Variants in SNTB1 observed in about 807,000 individuals in gnomAD.
SNTB1 encodes the protein beta-1-syntrophin.
Under a neutral mutation model 48.9 loss-of-function variants are expected in SNTB1, and 36 were observed. That is an observed-to-expected ratio of 0.74 (90% CI 0.56 to 0.97). The LOEUF (loss-of-function observed/expected upper bound fraction) is 0.97. Ranked by LOEUF, SNTB1 falls within the 50% of genes least tolerant of loss-of-function variation. SNTB1 has a pLI of 0.00. For synonymous variants in SNTB1, 299 were observed against 294.6 expected, an observed-to-expected ratio of 1.01 and a Z score of -0.15; for missense variants, 786 against 703.4, an observed-to-expected ratio of 1.12 and a Z score of -1.33.
At chr8:120,721,923 G>A (rs1019517273) in intron 1 of SNTB1, among the ~76,000 whole-genome samples, 1 of 112,246 alleles carries the variant, frequency 8.9e-6, no homozygotes, top group Admixed American at 1.2e-4. Context: ...AGTGTGTGAT[G>A]TTCCCCACCC....
chr8:120,770,846 A>C (rs1044102831), intron 1 of SNTB1, among the ~76,000 whole-genome samples: 11 of 152,202 alleles, frequency 7.2e-5, no homozygotes, highest in African/African-American at 2.7e-4. Context: ...CAGACCTTTA[A>C]TGATGGAACC....
At chr8:120,561,330 A>G (rs1240356337) in intron 4 of SNTB1, among the ~76,000 whole-genome samples, 1 of 142,712 alleles carries the variant, frequency 7.0e-6, no homozygotes, top group Admixed American at 7.1e-5. Context: ...AAAAAAAAAA[A>G]AAAAAAAAAA....
intron 1 of SNTB1, among the ~76,000 whole-genome samples, chr8:120,714,758 CG>C (rs1818528343): frequency 6.6e-6 from 1 of 152,100 alleles, no homozygotes; most frequent in Admixed American, 6.5e-5. Flanking sequence ...TAAAATATCA[CG>C]GCGGAAGGTT....
At chr8:120,603,041 C>T (rs891313871) in intron 3 of SNTB1, among the ~76,000 whole-genome samples, 7 of 151,952 alleles carry the variant, frequency 4.6e-5, no homozygotes, top group East Asian at 3.9e-4. Flanking sequence ...GTGGGGCTAT[C>T]GCCATAATAT....
chr8:120,674,452 A>AAAATG (rs1452988216), intron 2 of SNTB1, among the ~76,000 whole-genome samples: 1 of 152,242 alleles, frequency 6.6e-6, no homozygotes, highest in Non-Finnish European at 1.5e-5. Flanking sequence ...AAGAAAAGAT[A>AAAATG]AAATGAAATG....
At chr8:120,809,038 G>A (rs923352998) in intron 1 of SNTB1, among the ~76,000 whole-genome samples, 9 of 152,164 alleles carry the variant, frequency 5.9e-5, no homozygotes, top group Non-Finnish European at 1.0e-4. Context: ...AGAATACGAA[G>A]AAGTAGGTAT....
intron 1 of SNTB1, among the ~76,000 whole-genome samples, chr8:120,779,387 C>T (rs1451731207): frequency 6.6e-6 from 1 of 152,086 alleles, no homozygotes; most frequent in Non-Finnish European, 1.5e-5. Context: ...CCTGTAGTCC[C>T]AGCTACTTGG....
chr8:120,748,954 T>C (rs2130026821), intron 1 of SNTB1, among the ~76,000 whole-genome samples: 1 of 152,356 alleles, frequency 6.6e-6, no homozygotes, highest in African/African-American at 2.4e-5. Context: ...AACCTTGTAG[T>C]GATTTTTGTT....
intron 1 of SNTB1, among the ~76,000 whole-genome samples, chr8:120,793,303 C>T (rs1028753944): frequency 1.2e-4 from 19 of 152,008 alleles, no homozygotes; most frequent in Admixed American, 7.9e-4. Context: ...AGTGATTTAA[C>T]GGTATGCAAC....
intron 1 of SNTB1, among the ~76,000 whole-genome samples, chr8:120,698,757 C>G (rs1818253642): frequency 6.6e-6 from 1 of 152,092 alleles, no homozygotes; most frequent in African/African-American, 2.4e-5. Flanking sequence ...ACTAAGCAGC[C>G]CCAGGCAGGG....
chr8:120,556,379 C>A (rs990029182), intron 4 of SNTB1, among the ~76,000 whole-genome samples: 1 of 152,096 alleles, frequency 6.6e-6, no homozygotes, highest in African/African-American at 2.4e-5. Flanking sequence ...TCAGGAAAAG[C>A]AAAATGGAGA....
intron 2 of SNTB1, among the ~76,000 whole-genome samples, chr8:120,633,462 G>C (rs547664692): frequency 6.6e-6 from 1 of 151,952 alleles, no homozygotes; most frequent in Non-Finnish European, 1.5e-5. Flanking sequence ...AAAATTAGCC[G>C]GGCATGATGG....
At chr8:120,759,845 T>C (rs764863856) in intron 1 of SNTB1, among the ~76,000 whole-genome samples, 1 of 151,430 alleles carries the variant, frequency 6.6e-6, no homozygotes, top group Non-Finnish European at 1.5e-5. Flanking sequence ...CATCTCTAAA[T>C]GTGAGGATCC....
intron 1 of SNTB1, among the ~76,000 whole-genome samples, chr8:120,717,010 T>C (rs909665884): frequency 2.6e-5 from 4 of 152,194 alleles, no homozygotes; most frequent in African/African-American, 4.8e-5. Context: ...CTTTTATTCA[T>C]AGCACAAGGC....
intron 5 of SNTB1, among the ~76,000 whole-genome samples, chr8:120,545,187 T>TA (rs1815360389): frequency 6.6e-6 from 1 of 151,842 alleles, no homozygotes; most frequent in Non-Finnish European, 1.5e-5. Flanking sequence ...CTACTAAAAA[T>TA]ACAAAAATTA....
intron 1 of SNTB1, among the ~76,000 whole-genome samples, chr8:120,806,778 T>C (rs1244747988): frequency 6.6e-6 from 1 of 152,198 alleles, no homozygotes; most frequent in East Asian, 1.9e-4. Context: ...GTTTCAAGAC[T>C]TGAATCCCAG....
At chr8:120,811,245 C>A (rs769550091) in intron 1 of SNTB1, 28 bp downstream of exon 1, 2 of 1,549,684 alleles carry the variant, frequency 1.3e-6, no homozygotes, top group East Asian at 2.3e-5. Context: ...GCGCGCCCGG[C>A]GCGGCCCGCG....
chr8:120,691,849 A>G (rs1376423260), intron 2 of SNTB1, among the ~76,000 whole-genome samples: 4 of 152,216 alleles, frequency 2.6e-5, no homozygotes, highest in Non-Finnish European at 5.9e-5. Flanking sequence ...ACTCAATACT[A>G]CATCATGAAT....
chr8:120,622,590 A>G (rs1211040782), intron 3 of SNTB1, among the ~76,000 whole-genome samples: 1 of 152,204 alleles, frequency 6.6e-6, no homozygotes, highest in Non-Finnish European at 1.5e-5. Context: ...GATGTGAGGG[A>G]CAAGGGAGCA....
Sources: gnomAD v4.1 joint callset for allele counts (sites outside exome capture counted in the v4.1 genomes callset) on GRCh38, gnomAD v4.1.1 for gene constraint, MANE v1.5 for transcripts, NCBI Gene and HGNC (gene_info 2026-07-23, HGNC 2026-07-21) for gene names.